Variants in TRPM3 observed in about 807,000 individuals in gnomAD.
TRPM3 encodes the protein long transient receptor potential channel 3.
Under a neutral mutation model 181.2 loss-of-function variants are expected in TRPM3, and 77 were observed. That is an observed-to-expected ratio of 0.42 (90% CI 0.35 to 0.51). TRPM3 has a LOEUF of 0.51. Among genes scored for constraint, TRPM3 ranks in the 20% least tolerant of loss-of-function variants. The pLI, the probability that TRPM3 is intolerant of heterozygous loss-of-function variation, is 0.01. For missense variants in TRPM3, 1,759 were observed against 2,196.7 expected (o/e 0.80, Z 3.98); for synonymous variants, 745 against 796.4 (o/e 0.94, Z 1.09).
At chr9:70,751,495 C>A (rs1443586533) in intron 8 of TRPM3, among the ~76,000 whole-genome samples, 1 of 151,986 alleles carries the variant, frequency 6.6e-6, no homozygotes, top group Non-Finnish European at 1.5e-5. Flanking sequence ...CTTAAAATTA[C>A]TTCTTCAAAA....
intron 1 of TRPM3, among the ~76,000 whole-genome samples, chr9:70,988,945 T>C (rs770054318): frequency 8.5e-5 from 13 of 152,252 alleles, no homozygotes; most frequent in Non-Finnish European, 1.9e-4. Context: ...GTGAAAGGGT[T>C]TAGAGGGAGG....
At chr9:71,392,216 A>G (rs2093078166) in intron 1 of TRPM3, among the ~76,000 whole-genome samples, 1 of 152,162 alleles carries the variant, frequency 6.6e-6, no homozygotes, top group Non-Finnish European at 1.5e-5. Context: ...ACCTACAAAG[A>G]AAACACATTT....
rs533757528 is a variant in TRPM3, at chr9:70,923,937, C to CAT, written c.178-59428_178-59427dup. 7.4e-3 allele frequency among the ~76,000 whole-genome samples: 1,073 copies of CAT among 145,064 alleles called. 10 individuals carry two copies. The highest frequency in any genetic ancestry group is 8.3e-3 in the Non-Finnish European group (557 of 67,138). Reference sequence around the variant, plus strand: ...ATATACATATATACACACATATATACATATATATATACACACACACACATA... The same window carrying CAT: ...ATATACATATATACACACATATATACATATATATATATACACACACACACATA... On this transcript the variant is annotated intron_variant, in intron 1 of 25. Transcript: ENST00000677713.
At chr9:70,669,427 T>C (rs1285508749) in intron 9 of TRPM3, among the ~76,000 whole-genome samples, 1 of 152,188 alleles carries the variant, frequency 6.6e-6, no homozygotes, top group East Asian at 1.9e-4. Flanking sequence ...GTTATGACCC[T>C]GAAACAAAGA....
intron 20 of TRPM3, among the ~76,000 whole-genome samples, chr9:70,602,527 T>C (rs2060243703): frequency 6.6e-6 from 1 of 152,210 alleles, no homozygotes; most frequent in Non-Finnish European, 1.5e-5. Context: ...TCCTGCTTAC[T>C]GTCATTTCAG....
chr9:71,236,554 G>A (rs1255906127), intron 1 of TRPM3, among the ~76,000 whole-genome samples: 1 of 152,102 alleles, frequency 6.6e-6, no homozygotes, highest in East Asian at 1.9e-4. Flanking sequence ...CTCCTCAGCT[G>A]CTGTTCCCCA....
intron 1 of TRPM3, among the ~76,000 whole-genome samples, chr9:70,955,937 A>T (rs1317757704): frequency 6.6e-6 from 1 of 152,186 alleles, no homozygotes; most frequent in Admixed American, 6.5e-5. Context: ...AAGTATAATA[A>T]TGAGAGTGAC....
intron 1 of TRPM3, among the ~76,000 whole-genome samples, chr9:70,962,822 A>C (rs1441448938): frequency 6.6e-6 from 1 of 152,112 alleles, no homozygotes; most frequent in Non-Finnish European, 1.5e-5. Context: ...AAACTGCAAA[A>C]AGTGATTTTG....
intron 1 of TRPM3, among the ~76,000 whole-genome samples, chr9:71,059,346 T>C (rs749453084): frequency 1.3e-5 from 2 of 151,982 alleles, no homozygotes; most frequent in African/African-American, 2.4e-5. Context: ...AGTCTGGCTA[T>C]TTATTAAAAA....
At chr9:70,645,032 T>G (rs968024301) in intron 9 of TRPM3, among the ~76,000 whole-genome samples, 6 of 152,056 alleles carry the variant, frequency 3.9e-5, no homozygotes, top group African/African-American at 1.4e-4. Context: ...AGGAGAACTA[T>G]AAACCACTGC....
At chr9:70,920,329 G>A (rs910705010) in intron 1 of TRPM3, among the ~76,000 whole-genome samples, 2 of 152,084 alleles carry the variant, frequency 1.3e-5, no homozygotes, top group Non-Finnish European at 2.9e-5. Flanking sequence ...TTGTTTCATT[G>A]CTTAGTGGGT....
chr9:70,811,224 G>C (rs1282673437), intron 6 of TRPM3: 19 of 1,611,716 alleles, frequency 1.2e-5, no homozygotes, highest in Non-Finnish European at 1.5e-5. Flanking sequence ...CGGGAGTCAA[G>C]AGAGAAAAAC....
chr9:71,266,767 C>T (rs1334113912), intron 1 of TRPM3, among the ~76,000 whole-genome samples: 1 of 152,098 alleles, frequency 6.6e-6, no homozygotes, highest in African/African-American at 2.4e-5. Flanking sequence ...AGGAACTTCT[C>T]AATTCCCCCT....
intron 1 of TRPM3, among the ~76,000 whole-genome samples, chr9:70,878,475 A>C (rs566919282): frequency 6.6e-6 from 1 of 152,050 alleles, no homozygotes; most frequent in Non-Finnish European, 1.5e-5. Flanking sequence ...GTTTCTGAGG[A>C]GGTACAAGGC....
intron 6 of TRPM3, among the ~76,000 whole-genome samples, chr9:70,799,542 C>T (rs2088277801): frequency 6.6e-6 from 1 of 152,194 alleles, no homozygotes; most frequent in African/African-American, 2.4e-5. Flanking sequence ...GGAGCTCCCT[C>T]CTTGTTTCCA....
chr9:71,250,234 T>C (rs949095329), intron 1 of TRPM3, among the ~76,000 whole-genome samples: 1 of 152,198 alleles, frequency 6.6e-6, no homozygotes, highest in African/African-American at 2.4e-5. Context: ...TGTATTTAAC[T>C]TGAAGCTATA....
At chr9:71,318,975 T>C (rs2088924475) in intron 1 of TRPM3, among the ~76,000 whole-genome samples, 1 of 152,212 alleles carries the variant, frequency 6.6e-6, no homozygotes, top group Admixed American at 6.5e-5. Context: ...CTGTTACTAT[T>C]GATAAATTTG....
chr9:70,899,821 A>G (rs1200170772), intron 1 of TRPM3, among the ~76,000 whole-genome samples: 1 of 152,192 alleles, frequency 6.6e-6, no homozygotes, highest in Non-Finnish European at 1.5e-5. Flanking sequence ...TCTTAGCATC[A>G]TGTTTGCATA....
intron 6 of TRPM3, among the ~76,000 whole-genome samples, chr9:70,815,210 A>G (rs2092583876): frequency 6.6e-6 from 1 of 152,168 alleles, no homozygotes; most frequent in Non-Finnish European, 1.5e-5. Flanking sequence ...AATATCTTTT[A>G]TGTGAGCCCA....
Sources: allele counts gnomAD v4.1 joint callset (sites outside exome capture counted in the v4.1 genomes callset), GRCh38; gene constraint gnomAD v4.1.1; transcripts MANE v1.5; gene names NCBI Gene and HGNC (gene_info 2026-07-23, HGNC 2026-07-21).